NKTR: variants seen among roughly 807,000 people sequenced by gnomAD.
NKTR encodes the protein NK-tumor recognition protein.
In NKTR, 67 loss-of-function variants were observed where a neutral mutation model predicts 156.3. That is an observed-to-expected ratio of 0.43 (90% CI 0.35 to 0.53). The LOEUF (loss-of-function observed/expected upper bound fraction) is 0.53, where lower values mean the gene tolerates loss of function less well. Ranked by LOEUF, NKTR falls within the 20% of genes least tolerant of loss-of-function variation. The probability of loss-of-function intolerance (pLI) is 0.01; values close to 1 mark genes in which losing one functional copy is unlikely to be tolerated. For synonymous variants in NKTR, 640 were observed against 596.6 expected, an observed-to-expected ratio of 1.07 and a Z score of -1.06; for missense variants, 1,604 against 1,730.9, an observed-to-expected ratio of 0.93 and a Z score of 1.30.
At chr3:42,643,523 T>C (rs919941467) in intron 15 of NKTR, 128 bp downstream of exon 15, 54 of 759,220 alleles carry the variant, frequency 7.1e-5, no homozygotes, top group Non-Finnish European at 1.2e-4. Flanking sequence ...AACCATACCT[T>C]TTCTAAATGA....
chr3:42,637,322 A>G lies in NKTR; in HGVS notation c.1618A>G (p.Lys540Glu), dbSNP rs1577565502. 2.5e-6 allele frequency: 4 copies of G among 1,614,202 alleles called. No homozygotes were observed. Among genetic ancestry groups the G allele is most frequent in the East Asian group, 2.2e-5 (1 of 44,882 alleles). The change falls in exon 13 of 17, where the codon AAG becomes GAG. Residue 540 changes from lysine (K) to glutamate (E), a missense_variant. Lys to Glu is a moderately conservative substitution (Grantham distance 56, BLOSUM62 1). Around this residue, in one of 6 missense-constraint regions of NKTR, gnomAD observed 1,255 missense variants for 1,243.7 expected, o/e 1.01. Coordinates refer to ENST00000232978, the MANE Select transcript of NKTR (RefSeq NM_005385.4). ...RGSSRSRTAS[K>E]SSSHSRSRSK... ...AAGCTCAAGATCAAGGACTGCGTCAAAGTCCTCATCACATTCTCGAAGTAG... is the reference window on the plus strand; with the variant it reads ...AAGCTCAAGATCAAGGACTGCGTCAGAGTCCTCATCACATTCTCGAAGTAG...
At chr3:42,608,021 T>G (rs1706404479) in intron 2 of NKTR, among the ~76,000 whole-genome samples, 1 of 128,028 alleles carries the variant, frequency 7.8e-6, no homozygotes, top group African/African-American at 3.0e-5. Flanking sequence ...TTGAGTTTCC[T>G]TCTTGTCACC....
chr3:42,609,288 T>C (rs1706542086), intron 2 of NKTR, among the ~76,000 whole-genome samples: 1 of 152,224 alleles, frequency 6.6e-6, no homozygotes, highest in Non-Finnish European at 1.5e-5. Context: ...TTTCATGTTA[T>C]GCCACAGCTA....
At chr3:42,622,275 C>A (rs1707988678) in intron 6 of NKTR, among the ~76,000 whole-genome samples, 1 of 152,008 alleles carries the variant, frequency 6.6e-6, no homozygotes, top group Non-Finnish European at 1.5e-5. Context: ...TTATCTAAGG[C>A]TGCTTCAAAA....
chr3:42,626,827 G>C (rs1047014381), intron 6 of NKTR, among the ~76,000 whole-genome samples: 12 of 152,058 alleles, frequency 7.9e-5, no homozygotes, highest in Admixed American at 2.6e-4. Context: ...TGGGCATTCA[G>C]ATTTTTATAT....
chr3:42,620,687 C>CG, intron 5 of NKTR: 1 of 984,264 alleles, frequency 1.0e-6, no homozygotes, highest in Non-Finnish European at 1.2e-6. Flanking sequence ...TAAAATAACT[C>CG]TAAGTGATCT....
At chr3:42,626,917 TG>T in intron 6 of NKTR, among the ~76,000 whole-genome samples, 1 of 152,242 alleles carries the variant, frequency 6.6e-6, no homozygotes, top group Middle Eastern at 3.4e-3. Context: ...TGAAAGGAAA[TG>T]TAATATGTTA....
intron 7 of NKTR, chr3:42,630,898 A>G: frequency 5.1e-6 from 7 of 1,368,898 alleles, no homozygotes; most frequent in Non-Finnish European, 6.6e-6. Context: ...GTTCCCAAGT[A>G]CCAAGCGAAA....
chr3:42,630,433 A>T (rs1266823128), intron 6 of NKTR, 113 bp from the exon 7 acceptor site: 1 of 1,554,222 alleles, frequency 6.4e-7, no homozygotes, highest in Admixed American at 2.0e-5. Flanking sequence ...TTTTTCCCCT[A>T]TCTTTTTATC....
chr3:42,641,231 A>G (rs907354309), intron 13 of NKTR, among the ~76,000 whole-genome samples: 1 of 152,208 alleles, frequency 6.6e-6, no homozygotes, highest in Non-Finnish European at 1.5e-5. Context: ...CAGTCACCTC[A>G]CAGGGTCTGG....
Position 42,646,120 on chromosome 3 carries a change from T to C in NKTR, c.*145T>C, listed in dbSNP as rs1249497857. 3 of 517,260 alleles carry C rather than the reference T, an allele frequency of 5.8e-6. No individual in the cohort carries two copies. The highest frequency in any genetic ancestry group is 3.3e-5 in the Admixed American group (1 of 30,448). 32.0% of individuals were successfully genotyped at this position (517,260 alleles called of 1,614,324 possible). On this transcript the variant is annotated 3_prime_UTR_variant, in exon 17 of 17. Transcript: ENST00000232978. Reference sequence around the variant, plus strand: ...CTTAATTGTTACTGGTTCATTTACATGTGGGGAGAAGAATTTAAAATACAG... The same window carrying C: ...CTTAATTGTTACTGGTTCATTTACACGTGGGGAGAAGAATTTAAAATACAG...
chr3:42,617,234 A>C (rs934062182), intron 2 of NKTR, among the ~76,000 whole-genome samples: 1 of 152,186 alleles, frequency 6.6e-6, no homozygotes, highest in African/African-American at 2.4e-5. Flanking sequence ...AAATCAAACA[A>C]CTATTGAGAG....
chr3:42,639,265 G>T lies in NKTR; in HGVS notation c.3561G>T (p.Val1187=). The part of the protein sequence containing the change: ...KQESSMSESK[V]LGEVGKQDSS... ...AAAGCAGCATGTCCGAAAGTAAAGT[G>T]TTGGGTGAAGTGGGGAAACAGGACA... Residue 1187 remains valine (V), a synonymous_variant, in exon 13 of 17, where the codon GTG becomes GTT. Transcript: ENST00000232978. 1 of 1,614,218 alleles carries T rather than the reference G, an allele frequency of 6.2e-7. No homozygotes were observed. Among genetic ancestry groups the T allele is most frequent in the Admixed American group, 1.7e-5 (1 of 60,034 alleles).
intron 2 of NKTR, among the ~76,000 whole-genome samples, chr3:42,606,049 GTCAT>G (rs1706200331): frequency 6.6e-6 from 1 of 152,128 alleles, no homozygotes; most frequent in Non-Finnish European, 1.5e-5. Context: ...GCTGCTCTGA[GTCAT>G]TCTTGTTTGT....
At chr3:42,621,052 C>T (rs2125785836) in intron 5 of NKTR, 1 of 982,870 alleles carries the variant, frequency 1.0e-6, no homozygotes, top group African/African-American at 1.7e-5. Context: ...CCATGTATAG[C>T]ACATTAGGCA....
chr3:42,643,295 G>T (rs13072295), intron 14 of NKTR, 44 bp from the exon 15 acceptor site: 2 of 1,551,000 alleles, frequency 1.3e-6, no homozygotes, highest in Non-Finnish European at 8.9e-7. Context: ...AGCCTGTCCT[G>T]CCCTGATCTA....
At chr3:42,606,609 G>A (rs1243680564) in intron 2 of NKTR, among the ~76,000 whole-genome samples, 1 of 152,280 alleles carries the variant, frequency 6.6e-6, no homozygotes, top group East Asian at 1.9e-4. Flanking sequence ...ATTGAAGCCT[G>A]ATTCTTAATT....
chr3:42,637,230 G>A lies in NKTR; in HGVS notation c.1526G>A (p.Ser509Asn). ...DWSKSDKDVQ[S>N]SLTHSSRDSY... Reference sequence around the variant, plus strand: ...TCTAAATCTGATAAGGATGTCCAGAGCTCTTTAACCCATTCCAGCAGAGAC... The same window carrying A: ...TCTAAATCTGATAAGGATGTCCAGAACTCTTTAACCCATTCCAGCAGAGAC... Residue 509 changes from serine to asparagine, a missense_variant, in exon 13 of 17, where the codon AGC (serine) becomes AAC (asparagine). Ser to Asn is a conservative substitution (Grantham distance 46, BLOSUM62 1). Around this residue, in one of 6 missense-constraint regions of NKTR, gnomAD observed 1,255 missense variants for 1,243.7 expected, o/e 1.01. Transcript: ENST00000232978. The A allele has an allele frequency of 6.2e-7, 1 of 1,611,310 alleles. No homozygotes were observed. The highest frequency in any genetic ancestry group is 8.5e-7 in the Non-Finnish European group (1 of 1,179,236).
At chr3:42,635,074 A>T in intron 11 of NKTR, 147 bp from the exon 12 acceptor site, 1 of 484,942 alleles carries the variant, frequency 2.1e-6, no homozygotes, top group Non-Finnish European at 3.4e-6. Flanking sequence ...AAAAAAAAAA[A>T]AAAAGAACTT....
Sources: gnomAD v4.1 joint callset for allele counts (sites outside exome capture counted in the v4.1 genomes callset) on GRCh38, gnomAD v4.1.1 for gene constraint, gnomAD v4.1.1 regional missense constraint, MANE v1.5 for transcripts, NCBI Gene and HGNC (gene_info 2026-07-23, HGNC 2026-07-21) for gene names.